YEATS4: variants seen among roughly 807,000 people sequenced by gnomAD.
YEATS4 encodes the protein YEATS domain-containing protein 4.
YEATS4 carries 17 observed loss-of-function variants against 30.1 expected under a neutral mutation model. The observed-to-expected ratio is 0.56, with a 90% confidence interval of 0.39 to 0.85. The LOEUF (loss-of-function observed/expected upper bound fraction) is 0.85. YEATS4 is among the 40% of genes least tolerant of loss of function. The pLI is 0.00. For missense variants in YEATS4, 142 were observed against 268.3 expected (o/e 0.53, Z 3.29); for synonymous variants, 85 against 87.5 (o/e 0.97, Z 0.16).
chr12:69,418,796 G>T, the YEATS4 span, among the ~76,000 whole-genome samples: 1 of 151,848 alleles, frequency 6.6e-6, no homozygotes, highest in Non-Finnish European at 1.5e-5. Flanking sequence ...AAATATAGCT[G>T]GCTTGAGCCA....
the YEATS4 span, among the ~76,000 whole-genome samples, chr12:69,404,246 A>G: frequency 6.6e-6 from 1 of 152,112 alleles, no homozygotes; most frequent in East Asian, 1.9e-4. Context: ...TCCTATTTCA[A>G]TCTTCTCCCC....
In YEATS4 at chr12:69,390,170, A is replaced by G. The variant is rs752547904; in HGVS notation, c.538A>G (p.Arg180Gly). The change falls in exon 7 of 7, where the codon AGA becomes GGA. Residue 180 changes from arginine (R) to glycine (G), a missense_variant. Physicochemically the swap from Arg to Gly is moderately radical, Grantham distance 125. This residue lies in a region of YEATS4 where 53 missense variants were observed against 68.6 expected (regional missense o/e 0.77). Transcript: ENST00000247843. Reference protein sequence around the residue: ...TEFAELEVKTREKLEAAKKKT... With the variant: ...TEFAELEVKTGEKLEAAKKKT... The stretch of plus-strand genomic sequence containing the variant: ...AGTTGCAGAGCTTGAAGTGAAAACC[A>G]GAGAAAAATTAGAAGCTGCTAAGAA... 6.3e-7 allele frequency: 1 copy of G among 1,587,650 alleles called. No homozygotes were observed. Among genetic ancestry groups the G allele is most frequent in the Non-Finnish European group, 8.5e-7 (1 of 1,173,754 alleles).
downstream of YEATS4, among the ~76,000 whole-genome samples, chr12:69,395,869 A>G (rs1868348369): frequency 1.3e-5 from 2 of 152,200 alleles, no homozygotes; most frequent in African/African-American, 2.4e-5. Context: ...AAATAACATT[A>G]TGGTCCTAAT....
At chr12:69,362,017 T>TTGTTTTGTTTTG (rs374178277) in intron 1 of YEATS4, among the ~76,000 whole-genome samples, 1 of 131,530 alleles carries the variant, frequency 7.6e-6, no homozygotes, top group East Asian at 2.1e-4. Context: ...TTGGTTGTTT[T>TTGTTTTGTTTTG]TTTTTTTTTT....
At chr12:69,380,695 G>A (rs567963708) in intron 6 of YEATS4, among the ~76,000 whole-genome samples, 4 of 152,282 alleles carry the variant, frequency 2.6e-5, no homozygotes, top group Admixed American at 6.5e-5. Flanking sequence ...GCCAGATATC[G>A]GGTGAAATTC....
chr12:69,383,270 A>C (rs1368216115), intron 6 of YEATS4, among the ~76,000 whole-genome samples: 1 of 152,224 alleles, frequency 6.6e-6, no homozygotes, highest in African/African-American at 2.4e-5. Context: ...TCTCAAAAAA[A>C]AAAAGTGCAA....
intron 6 of YEATS4, among the ~76,000 whole-genome samples, chr12:69,385,054 C>G (rs1005499218): frequency 2.0e-5 from 3 of 152,132 alleles, no homozygotes; most frequent in Non-Finnish European, 4.4e-5. Context: ...CTCTGTCACT[C>G]AGGCTGGGTT....
intron 6 of YEATS4, among the ~76,000 whole-genome samples, chr12:69,379,505 C>T (rs552406066): frequency 1.2e-4 from 18 of 151,150 alleles, no homozygotes; most frequent in African/African-American, 2.4e-4. Flanking sequence ...CTCCACCTTC[C>T]GGGTTCAAGC....
At chr12:69,400,411 C>T in the YEATS4 span, among the ~76,000 whole-genome samples, 1 of 151,034 alleles carries the variant, frequency 6.6e-6, no homozygotes, top group Non-Finnish European at 1.5e-5. Context: ...TGTATATAAA[C>T]AATACATTAA....
intron 6 of YEATS4, among the ~76,000 whole-genome samples, chr12:69,388,690 G>A (rs767387119): frequency 2.0e-5 from 3 of 152,210 alleles, no homozygotes; most frequent in Non-Finnish European, 4.4e-5. Context: ...CTTTGTTATA[G>A]ATAGATAGTT....
the YEATS4 span, among the ~76,000 whole-genome samples, chr12:69,421,473 T>G: frequency 1.3e-5 from 2 of 152,134 alleles, no homozygotes; most frequent in African/African-American, 4.8e-5. Context: ...CATGTATACC[T>G]TAAAAAAATG....
downstream of YEATS4, among the ~76,000 whole-genome samples, chr12:69,395,070 C>T (rs1485919117): frequency 6.6e-6 from 1 of 152,132 alleles, no homozygotes; most frequent in Non-Finnish European, 1.5e-5. Flanking sequence ...TCAATGTTTT[C>T]AGAGGATAAT....
intron 1 of YEATS4, among the ~76,000 whole-genome samples, chr12:69,360,608 C>T (rs900670742): frequency 1.0e-3 from 151 of 151,656 alleles, no homozygotes; most frequent in African/African-American, 3.5e-3. Flanking sequence ...TACCATAGAC[C>T]CTAGCGTAAT....
At chr12:69,420,030 A>G in the YEATS4 span, among the ~76,000 whole-genome samples, 1 of 152,240 alleles carries the variant, frequency 6.6e-6, no homozygotes. Context: ...ATAGAGATCC[A>G]CTAACAGTCT....
intron 2 of YEATS4, among the ~76,000 whole-genome samples, chr12:69,363,318 CT>C (rs1297745848): frequency 6.6e-6 from 1 of 151,958 alleles, no homozygotes; most frequent in Admixed American, 6.6e-5. Context: ...TTTATAGTAA[CT>C]TTCTGATTAT....
chr12:69,385,355 A>C (rs941470883), intron 6 of YEATS4, among the ~76,000 whole-genome samples: 1 of 152,174 alleles, frequency 6.6e-6, no homozygotes, highest in Admixed American at 6.5e-5. Context: ...TAGGAAAGCT[A>C]TCTGGGAATA....
At chr12:69,402,725 C>CTTTTTTTTTTT in the YEATS4 span, among the ~76,000 whole-genome samples, 2 of 113,088 alleles carry the variant, frequency 1.8e-5, no homozygotes, top group Non-Finnish European at 1.8e-5. Context: ...TCTTTCTTTT[C>CTTTTTTTTTTT]TTTTTTTTTT....
At chr12:69,394,992 C>CA (rs576629448), downstream of YEATS4, among the ~76,000 whole-genome samples, 7 of 151,712 alleles carry the variant, frequency 4.6e-5, no homozygotes, top group Non-Finnish European at 1.0e-4. Context: ...CAAAGCAAAA[C>CA]AAAAAAAGAC....
At chr12:69,371,647 C>T (rs1875643945) in intron 6 of YEATS4, among the ~76,000 whole-genome samples, 1 of 152,160 alleles carries the variant, frequency 6.6e-6, no homozygotes. Context: ...TAATGCCAAC[C>T]ATTGTTCTAG....
Sources: gnomAD v4.1 joint callset for allele counts (sites outside exome capture counted in the v4.1 genomes callset) on GRCh38, gnomAD v4.1.1 for gene constraint, gnomAD v4.1.1 regional missense constraint, MANE v1.5 for transcripts, NCBI Gene and HGNC (gene_info 2026-07-23, HGNC 2026-07-21) for gene names.